Variants in CSMD1 observed in about 807,000 individuals in gnomAD.
CSMD1 encodes CUB and Sushi multiple domains 1.
CSMD1 carries 213 observed loss-of-function variants against 417.5 expected under a neutral mutation model. The observed-to-expected ratio is 0.51, with a 90% CI of 0.46 to 0.57. The LOEUF (loss-of-function observed/expected upper bound fraction) is 0.57. CSMD1 is among the 20% of genes least tolerant of loss of function. The pLI, the probability that CSMD1 is intolerant of heterozygous loss-of-function variation, is 0.00. For missense variants in CSMD1, 6,923 were observed against 4,529.7 expected (o/e 1.53, Z -15.17); for synonymous variants, 2,862 against 1,736.8 (o/e 1.65, Z -16.11).
chr8:4,233,499 G>A (rs561586210), intron 3 of CSMD1, among the ~76,000 whole-genome samples: 8 of 152,224 alleles, frequency 5.3e-5, no homozygotes, highest in Non-Finnish European at 7.3e-5. Flanking sequence ...TTTCATGAAC[G>A]GGATTAGTGC....
chr8:3,880,583 T>G (rs2930342), intron 5 of CSMD1, among the ~76,000 whole-genome samples: 30,475 of 152,232 alleles, frequency 0.2, 3,343 homozygotes, highest in East Asian at 0.29. Context: ...TATCTTCCAC[T>G]ACACAAATAG....
intron 10 of CSMD1, among the ~76,000 whole-genome samples, chr8:3,532,986 A>G (rs769002703): frequency 1.3e-5 from 2 of 152,224 alleles, no homozygotes; most frequent in African/African-American, 2.4e-5. Flanking sequence ...CATTTTATAC[A>G]TTCCCTTCTA....
At chr8:4,880,992 A>C (rs1563662632) in intron 1 of CSMD1, among the ~76,000 whole-genome samples, 1 of 152,064 alleles carries the variant, frequency 6.6e-6, no homozygotes, top group African/African-American at 2.4e-5. Flanking sequence ...ACCAGTAATG[A>C]GGCCTTTCCT....
chr8:3,260,408 G>C (rs974952862), intron 26 of CSMD1, among the ~76,000 whole-genome samples: 5 of 130,508 alleles, frequency 3.8e-5, no homozygotes, highest in Non-Finnish European at 8.8e-5. Flanking sequence ...AAAACACATA[G>C]AAGGAGTATA....
intron 3 of CSMD1, among the ~76,000 whole-genome samples, chr8:4,261,502 A>T (rs1803879105): frequency 6.6e-6 from 1 of 152,222 alleles, no homozygotes; most frequent in Non-Finnish European, 1.5e-5. Context: ...TGGTTACTTT[A>T]GCTAGTAATA....
At chr8:3,558,845 T>C (rs191683890) in intron 10 of CSMD1, among the ~76,000 whole-genome samples, 14 of 148,648 alleles carry the variant, frequency 9.4e-5, no homozygotes, top group South Asian at 6.3e-4. Context: ...ATGAATGGTG[T>C]CTCAGTAGTA....
chr8:3,094,829 GAA>G (rs1815188695), intron 47 of CSMD1, among the ~76,000 whole-genome samples: 1 of 139,988 alleles, frequency 7.1e-6, no homozygotes. Context: ...AAGAGAGAGA[GAA>G]AGAGACAGAA....
chr8:3,721,452 T>C lies in CSMD1; in HGVS notation c.932-12961A>G, dbSNP rs570209955. On this transcript the variant is annotated intron_variant, in intron 6 of 69. Coordinates refer to ENST00000635120, the MANE Select transcript of CSMD1 (RefSeq NM_033225.6). Reference sequence around the variant, plus strand: ...ACATCAAACAGTTAGCTGGCACATATGGGACTGAGTCCATTAGTTTAACAT... The same window carrying C: ...ACATCAAACAGTTAGCTGGCACATACGGGACTGAGTCCATTAGTTTAACAT... 1.7e-4 allele frequency among the ~76,000 whole-genome samples: 26 copies of C among 152,284 alleles called. 1 individual carries two copies. The highest frequency in any genetic ancestry group is 6.3e-4 in the African/African-American group (26 of 41,568).
intron 52 of CSMD1, among the ~76,000 whole-genome samples, chr8:3,010,399 C>T (rs1388570556): frequency 6.6e-6 from 1 of 152,180 alleles, no homozygotes; most frequent in African/African-American, 2.4e-5. Context: ...AAAACCTGCC[C>T]TAGAGCGGGT....
At chr8:3,713,496 G>C (rs895805261) in intron 6 of CSMD1, among the ~76,000 whole-genome samples, 2 of 152,008 alleles carry the variant, frequency 1.3e-5, no homozygotes, top group African/African-American at 4.8e-5. Flanking sequence ...GTCCCTCCCT[G>C]TAATCCCTCT....
chr8:4,800,965 T>A (rs1798252635), intron 1 of CSMD1, among the ~76,000 whole-genome samples: 1 of 152,232 alleles, frequency 6.6e-6, no homozygotes. Flanking sequence ...AGCAGACTTC[T>A]TTCCTTAGTT....
intron 1 of CSMD1, among the ~76,000 whole-genome samples, chr8:4,678,416 CA>C (rs201915913): frequency 6.7e-6 from 1 of 149,072 alleles, no homozygotes; most frequent in Admixed American, 6.7e-5. Context: ...GTCTCAACAA[CA>C]AAAAAAAAGA....
chr8:4,044,704 C>A (rs537481358), intron 3 of CSMD1, among the ~76,000 whole-genome samples: 1 of 152,126 alleles, frequency 6.6e-6, no homozygotes, highest in Non-Finnish European at 1.5e-5. Flanking sequence ...CTGCGTACAA[C>A]CCTGGATGCA....
chr8:3,037,244 G>T (rs937300267), intron 50 of CSMD1, among the ~76,000 whole-genome samples: 2 of 92,750 alleles, frequency 2.2e-5, no homozygotes, highest in Admixed American at 1.1e-4. Flanking sequence ...CTCGCTCTGT[G>T]GCCCAGGCTG....
chr8:4,396,906 A>C (rs1011021749), intron 3 of CSMD1, among the ~76,000 whole-genome samples: 6 of 152,094 alleles, frequency 3.9e-5, no homozygotes, highest in African/African-American at 1.4e-4. Flanking sequence ...GATGGGAAAC[A>C]AAAGACTACA....
intron 2 of CSMD1, among the ~76,000 whole-genome samples, chr8:4,531,901 G>A (rs980441431): frequency 1.3e-5 from 2 of 150,204 alleles, no homozygotes; most frequent in East Asian, 3.9e-4. Flanking sequence ...CCCATTCACA[G>A]TCACTCCGGA....
intron 5 of CSMD1, among the ~76,000 whole-genome samples, chr8:3,873,461 C>G (rs1328483869): frequency 1.3e-5 from 2 of 152,026 alleles, no homozygotes; most frequent in East Asian, 1.9e-4. Context: ...CAACAGAAAA[C>G]CAAATACCAC....
intron 3 of CSMD1, among the ~76,000 whole-genome samples, chr8:4,253,354 A>C (rs1004415679): frequency 6.6e-6 from 1 of 151,292 alleles, no homozygotes; most frequent in African/African-American, 2.4e-5. Flanking sequence ...ACTGTATATT[A>C]TAATTACGCA....
At chr8:4,054,972 G>A (rs1277726041) in intron 3 of CSMD1, among the ~76,000 whole-genome samples, 2 of 152,114 alleles carry the variant, frequency 1.3e-5, no homozygotes, top group East Asian at 1.9e-4. Flanking sequence ...CACTTACACT[G>A]CTTTTAACAG....
Sources: allele counts gnomAD v4.1 joint callset (sites outside exome capture counted in the v4.1 genomes callset), GRCh38; gene constraint gnomAD v4.1.1; transcripts MANE v1.5; gene names NCBI Gene and HGNC (gene_info 2026-07-23, HGNC 2026-07-21).